The following DCUN1D4 variants were observed in gnomAD, a reference collection of about 807,000 sequenced individuals.
The protein encoded by DCUN1D4 is defective in cullin neddylation 1 domain containing 4, also known as DCN1-like protein 4.
A neutral mutation model predicts 47.9 loss-of-function variants in DCUN1D4; 22 were observed. The ratio of observed to expected loss-of-function variants is 0.46; its 90% CI spans 0.33 to 0.66. The LOEUF (loss-of-function observed/expected upper bound fraction) is 0.66, where lower values mean the gene tolerates loss of function less well. Among genes scored for constraint, DCUN1D4 ranks in the 30% least tolerant of loss-of-function variants. DCUN1D4 has a pLI of 0.02. For missense variants in DCUN1D4, 301 were observed against 340.8 expected, an observed-to-expected ratio of 0.88 and a Z score of 0.92; for synonymous variants, 121 against 112.2, an observed-to-expected ratio of 1.08 and a Z score of -0.50.
intron 8 of DCUN1D4, among the ~76,000 whole-genome samples, chr4:51,907,095 T>C (rs1265103902): frequency 2.6e-5 from 4 of 152,240 alleles, no homozygotes; most frequent in East Asian, 3.8e-4. Flanking sequence ...TTCACTGATA[T>C]TACCTAGGTG....
chr4:51,840,480 C>A (rs1477484482), upstream of DCUN1D4, among the ~76,000 whole-genome samples: 1 of 152,098 alleles, frequency 6.6e-6, no homozygotes, highest in Non-Finnish European at 1.5e-5. Flanking sequence ...GAATTTAAGC[C>A]CTGTTTTGTT....
the DCUN1D4 span, among the ~76,000 whole-genome samples, chr4:51,835,465 T>C: frequency 1.3e-5 from 2 of 152,218 alleles, no homozygotes; most frequent in Admixed American, 6.5e-5. Context: ...GGATTTGAAA[T>C]GTTTCTCAAA....
At chr4:51,869,937 A>G (rs1726612370) in intron 3 of DCUN1D4, among the ~76,000 whole-genome samples, 2 of 152,088 alleles carry the variant, frequency 1.3e-5, no homozygotes, top group African/African-American at 4.8e-5. Context: ...CTGAACTTAA[A>G]TAATAATCTT....
At chr4:51,846,105 A>G (rs958643631) in intron 1 of DCUN1D4, among the ~76,000 whole-genome samples, 2 of 152,102 alleles carry the variant, frequency 1.3e-5, no homozygotes, top group African/African-American at 2.4e-5. Context: ...CTTTTGTTCT[A>G]TTATATCCCA....
intron 6 of DCUN1D4, among the ~76,000 whole-genome samples, chr4:51,890,852 C>A (rs1470529229): frequency 6.6e-6 from 1 of 152,202 alleles, no homozygotes. Flanking sequence ...GTTCCCTGTG[C>A]TATCTTTTCT....
At chr4:51,889,612 A>G (rs903855050) in intron 6 of DCUN1D4, among the ~76,000 whole-genome samples, 6 of 151,942 alleles carry the variant, frequency 3.9e-5, no homozygotes, top group Admixed American at 2.6e-4. Context: ...TAACTTAACA[A>G]GTGTTTATGT....
intron 5 of DCUN1D4, among the ~76,000 whole-genome samples, chr4:51,880,910 T>A (rs1728499801): frequency 6.6e-6 from 1 of 152,104 alleles, no homozygotes. Context: ...GGGTGGATCA[T>A]GAGATCAGGA....
intron 8 of DCUN1D4, among the ~76,000 whole-genome samples, chr4:51,907,086 TC>T (rs976141446): frequency 6.6e-6 from 1 of 152,222 alleles, no homozygotes; most frequent in African/African-American, 2.4e-5. Context: ...GTTGAATTCT[TC>T]ACTGATATTA....
At chr4:51,863,837 T>G (rs1725474019) in intron 3 of DCUN1D4, 128 bp downstream of exon 3, 17 of 994,408 alleles carry the variant, frequency 1.7e-5, no homozygotes, top group South Asian at 3.6e-5. Context: ...TGGCTGAGGT[T>G]GTTTTTCAGG....
chr4:51,862,211 A>G (rs1725182711), intron 1 of DCUN1D4, among the ~76,000 whole-genome samples: 1 of 152,232 alleles, frequency 6.6e-6, no homozygotes, highest in South Asian at 2.1e-4. Flanking sequence ...ACATGTATGT[A>G]TACAGGTATG....
intron 8 of DCUN1D4, among the ~76,000 whole-genome samples, chr4:51,907,084 C>A (rs553167704): frequency 6.6e-6 from 1 of 152,268 alleles, no homozygotes; most frequent in East Asian, 1.9e-4. Context: ...TTGTTGAATT[C>A]TTCACTGATA....
intron 8 of DCUN1D4, chr4:51,905,187 A>G (rs2110118115): frequency 4.4e-6 from 2 of 454,390 alleles, no homozygotes; most frequent in South Asian, 1.6e-5. Context: ...ACTTATTTAT[A>G]GTTCTATATG....
intron 1 of DCUN1D4, among the ~76,000 whole-genome samples, chr4:51,850,877 C>T (rs1723263409): frequency 6.6e-6 from 1 of 152,118 alleles, no homozygotes; most frequent in East Asian, 1.9e-4. Context: ...AGAGAGAATA[C>T]AAATGCAGAA....
At chr4:51,884,753 A>G (rs1222004667) in intron 5 of DCUN1D4, among the ~76,000 whole-genome samples, 2 of 152,224 alleles carry the variant, frequency 1.3e-5, no homozygotes, top group African/African-American at 4.8e-5. Flanking sequence ...GAGGGGTCAC[A>G]GTACTGCCTG....
chr4:51,911,404 C>G (rs1488927513), intron 9 of DCUN1D4, among the ~76,000 whole-genome samples: 1 of 152,120 alleles, frequency 6.6e-6, no homozygotes, highest in East Asian at 1.9e-4. Flanking sequence ...CCGAAACAGC[C>G]ACAGCTCTGT....
At chr4:51,853,459 T>C (rs1723665432) in intron 1 of DCUN1D4, among the ~76,000 whole-genome samples, 1 of 152,246 alleles carries the variant, frequency 6.6e-6, no homozygotes, top group South Asian at 2.1e-4. Context: ...CTGCAATCTT[T>C]TTCCTGGACC....
chr4:51,914,554 T>TATG lies in DCUN1D4; in HGVS notation c.*970_*971insATG, dbSNP rs1417833616. The stretch of plus-strand genomic sequence containing the variant: ...TTTCATGGTATGTAATTTTCCAGCC[T>TATG]TTTGAGAAAACAAGCATACTATAAG... On this transcript the variant is annotated 3_prime_UTR_variant, in exon 11 of 11. Coordinates refer to ENST00000334635, the MANE Select transcript of DCUN1D4 (RefSeq NM_001040402.3). 1 of 152,568 alleles carries TATG rather than the reference T, an allele frequency of 6.6e-6. No homozygotes were observed. Among genetic ancestry groups the TATG allele is most frequent in the African/African-American group, 2.4e-5 (1 of 41,448 alleles). 9.5% of individuals were successfully genotyped at this position (152,568 alleles called of 1,614,324 possible).
At chr4:51,907,905 C>G (rs897057768) in intron 8 of DCUN1D4, among the ~76,000 whole-genome samples, 1 of 152,090 alleles carries the variant, frequency 6.6e-6, no homozygotes, top group Non-Finnish European at 1.5e-5. Context: ...GAAAAAAATG[C>G]TCAATTGTCA....
chr4:51,842,801 G>C (rs562057776), upstream of DCUN1D4, among the ~76,000 whole-genome samples: 263 of 152,328 alleles, frequency 1.7e-3, 1 homozygote, highest in Admixed American at 3.3e-3. Flanking sequence ...TTCTTGGTGG[G>C]TCTCCAGCTC....
Sources: allele counts gnomAD v4.1 joint callset (sites outside exome capture counted in the v4.1 genomes callset), GRCh38; gene constraint gnomAD v4.1.1; transcripts MANE v1.5; gene names NCBI Gene and HGNC (gene_info 2026-07-23, HGNC 2026-07-21).